The following WARS1 variants were observed in gnomAD, a reference collection of about 807,000 sequenced individuals.
The protein encoded by WARS1 is tryptophan--tRNA ligase, cytoplasmic.
Under a neutral mutation model 47.8 loss-of-function variants are expected in WARS1, and 17 were observed. The ratio of observed to expected loss-of-function variants is 0.36; its 90% confidence interval spans 0.24 to 0.53. The LOEUF is 0.53. Among genes scored for constraint, WARS1 ranks in the 20% least tolerant of loss-of-function variants. The probability of loss-of-function intolerance (pLI) is 0.91; values close to 1 mark genes in which losing one functional copy is unlikely to be tolerated. For synonymous variants in WARS1, 208 were observed against 228.1 expected, an observed-to-expected ratio of 0.91 and a Z score of 0.79; for missense variants, 434 against 608.0, an observed-to-expected ratio of 0.71 and a Z score of 3.01.
At chr14:100,372,152 A>G (rs1351174353) in intron 1 of WARS1, among the ~76,000 whole-genome samples, 1 of 151,860 alleles carries the variant, frequency 6.6e-6, no homozygotes, top group Non-Finnish European at 1.5e-5. Flanking sequence ...CCCCACTCCT[A>G]TCTCCCTTCC....
intron 9 of WARS1, among the ~76,000 whole-genome samples, chr14:100,338,379 C>T (rs1893894060): frequency 6.6e-6 from 1 of 152,048 alleles, no homozygotes; most frequent in Admixed American, 6.6e-5. Flanking sequence ...TACCTTCCTG[C>T]CTCAGCCTCC....
chr14:100,362,206 G>A (rs1265100635), intron 2 of WARS1, among the ~76,000 whole-genome samples: 2 of 152,220 alleles, frequency 1.3e-5, no homozygotes, highest in African/African-American at 4.8e-5. Flanking sequence ...CTTTGGGACA[G>A]TAGCAGTGAC....
chr14:100,356,189 G>A (rs1429005261), intron 4 of WARS1, among the ~76,000 whole-genome samples: 2 of 152,154 alleles, frequency 1.3e-5, no homozygotes, highest in Non-Finnish European at 2.9e-5. Context: ...AAATTAGACA[G>A]AGGGGCAGTT....
chr14:100,351,218 T>G (rs1471195989), intron 6 of WARS1, among the ~76,000 whole-genome samples: 1 of 152,080 alleles, frequency 6.6e-6, no homozygotes, highest in Non-Finnish European at 1.5e-5. Flanking sequence ...GGGAAGAGGA[T>G]AGCAGCTACT....
At chr14:100,374,696 T>C (rs919748879) in intron 1 of WARS1, 2 of 151,824 alleles carry the variant, frequency 1.3e-5, no homozygotes, top group African/African-American at 4.8e-5. Context: ...GGCCCAGGAG[T>C]GTTTCTGGAT....
At chr14:100,342,198 C>G (rs762396636) in intron 9 of WARS1, 200 bp downstream of exon 9, 1 of 690,748 alleles carries the variant, frequency 1.4e-6, no homozygotes, top group Non-Finnish European at 2.5e-6. Context: ...GGACACAAAA[C>G]AAATTCACCT....
At chr14:100,361,964 A>G in intron 2 of WARS1, 43 bp from the exon 3 acceptor site, 2 of 1,596,094 alleles carry the variant, frequency 1.3e-6, no homozygotes, top group Non-Finnish European at 1.7e-6. Context: ...TATTACTAAT[A>G]GCTGATATGT....
At chr14:100,366,086 T>G (rs900871870) in intron 2 of WARS1, 2 of 456,026 alleles carry the variant, frequency 4.4e-6, no homozygotes, top group Admixed American at 4.7e-5. Flanking sequence ...CAAGGTTTCA[T>G]GTCAAGAGAG....
chr14:100,374,826 A>G (rs1033025794), intron 1 of WARS1: 18 of 76,176 alleles, frequency 2.4e-4, no homozygotes, highest in African/African-American at 5.9e-4. Context: ...CTTTAGAGCA[A>G]GGATTTCTTG....
Position 100,347,503 on chromosome 14 carries a change from C to T in WARS1, c.726-657G>A, listed in dbSNP as rs548603069. ...AGGCCTGAATGTGTGGCATCCATTC[C>T]ACTACCAGAAGGAACTAGGCTGAAG... On this transcript the variant is annotated intron_variant, in intron 6 of 10. Transcript: ENST00000392882. Among the ~76,000 whole-genome samples, 9 of 152,246 alleles carry T rather than the reference C, an allele frequency of 5.9e-5. No homozygotes were observed. The East Asian group carries it at 1.4e-3, about 23-fold the overall frequency.
At chr14:100,343,924 C>T (rs529278296) in intron 7 of WARS1, among the ~76,000 whole-genome samples, 13 of 152,346 alleles carry the variant, frequency 8.5e-5, no homozygotes, top group African/African-American at 2.6e-4. Flanking sequence ...TGAGCCACGG[C>T]GCCCGGCCTT....
intron 1 of WARS1, among the ~76,000 whole-genome samples, 169 bp from the exon 2 acceptor site, chr14:100,369,427 TGAA>T (rs1896208025): frequency 6.6e-6 from 1 of 151,792 alleles, no homozygotes; most frequent in Non-Finnish European, 1.5e-5. Flanking sequence ...TTTGGGGCCA[TGAA>T]GAAGAGGAAA....
At chr14:100,336,360 G>T (rs1326693102) in intron 10 of WARS1, among the ~76,000 whole-genome samples, 1 of 151,768 alleles carries the variant, frequency 6.6e-6, no homozygotes. Flanking sequence ...GGATCCTCCT[G>T]TCTCAGCTTC....
At chr14:100,346,947 C>A in intron 6 of WARS1, 101 bp from the exon 7 acceptor site, 1 of 1,035,626 alleles carries the variant, frequency 9.7e-7, no homozygotes, top group Admixed American at 1.9e-5. Flanking sequence ...GTGGCATGGG[C>A]CAGACTCGGG....
chr14:100,355,757 A>G (rs184108343), intron 4 of WARS1, among the ~76,000 whole-genome samples: 13 of 152,272 alleles, frequency 8.5e-5, no homozygotes, highest in Admixed American at 4.6e-4. Context: ...GACAGATACA[A>G]TTGTGGGTGT....
At chr14:100,360,493 C>T (rs1351459069) in intron 4 of WARS1, 61 bp downstream of exon 4, 21 of 1,377,812 alleles carry the variant, frequency 1.5e-5, no homozygotes, top group Non-Finnish European at 1.8e-5. Context: ...GAGTGTCTTA[C>T]GATTTTTTTG....
At chr14:100,375,657 C>CTCT (rs1429200068), upstream of WARS1, 1 of 152,266 alleles carries the variant, frequency 6.6e-6, no homozygotes, top group African/African-American at 2.4e-5. Context: ...CCTCCCCACC[C>CTCT]TCTTCCCGTT....
chr14:100,334,105 C>T lies in WARS1; in HGVS notation c.*770G>A, dbSNP rs1196983984. The T allele has an allele frequency of 6.6e-6, 1 of 152,656 alleles. No individual in the cohort carries two copies. Among genetic ancestry groups the T allele is most frequent in the East Asian group, 1.9e-4 (1 of 5,194 alleles). 9.5% of individuals were successfully genotyped at this position (152,656 alleles called of 1,614,324 possible). ...AGGACTCCTTGGCATCGGACACAGTCAGGGGAAAAGCCACCCTGACTCTGC... is the reference window on the plus strand; with the variant it reads ...AGGACTCCTTGGCATCGGACACAGTTAGGGGAAAAGCCACCCTGACTCTGC... On this transcript the variant is annotated 3_prime_UTR_variant, in exon 11 of 11. Coordinates refer to ENST00000392882, the MANE Select transcript of WARS1 (RefSeq NM_004184.4).
At chr14:100,338,058 C>A (rs529258067) in intron 9 of WARS1, among the ~76,000 whole-genome samples, 2 of 152,026 alleles carry the variant, frequency 1.3e-5, no homozygotes, top group Non-Finnish European at 2.9e-5. Flanking sequence ...GGAAGGCAAA[C>A]CCACGAGAAG....
Sources: gnomAD v4.1 joint callset for allele counts (sites outside exome capture counted in the v4.1 genomes callset) on GRCh38, gnomAD v4.1.1 for gene constraint, MANE v1.5 for transcripts, NCBI Gene and HGNC (gene_info 2026-07-23, HGNC 2026-07-21) for gene names.